LRIG1: variants seen among roughly 807,000 people sequenced by gnomAD.
LRIG1 encodes leucine-rich repeats and immunoglobulin-like domains protein 1.
Under a neutral mutation model 99.2 loss-of-function variants are expected in LRIG1, and 48 were observed. The ratio of observed to expected loss-of-function variants is 0.48; its 90% CI spans 0.38 to 0.62. The LOEUF (loss-of-function observed/expected upper bound fraction) is 0.62. LRIG1 is among the 20% of genes least tolerant of loss of function. The pLI, the probability that LRIG1 is intolerant of heterozygous loss-of-function variation, is 0.00. For missense variants in LRIG1, 1,646 were observed against 1,434.4 expected, an observed-to-expected ratio of 1.15 and a Z score of -2.38; for synonymous variants, 772 against 596.1, an observed-to-expected ratio of 1.29 and a Z score of -4.30.
chr3:66,488,866 G>A (rs970142089), intron 1 of LRIG1, among the ~76,000 whole-genome samples: 1 of 152,202 alleles, frequency 6.6e-6, no homozygotes, highest in South Asian at 2.1e-4. Flanking sequence ...TTCACTTATG[G>A]CAAGTATTCA....
chr3:66,404,337 A>G, intron 9 of LRIG1: 1 of 1,286,702 alleles, frequency 7.8e-7, no homozygotes, highest in Non-Finnish European at 1.0e-6. Context: ...GGCTGGGGGA[A>G]TCGAGCGGCA....
At chr3:66,380,890 A>T (rs369340183) in intron 17 of LRIG1, 29 bp from the exon 18 acceptor site, 29 of 1,607,130 alleles carry the variant, frequency 1.8e-5, no homozygotes, top group Non-Finnish European at 2.4e-5. Context: ...GATGGGTTAG[A>T]GTCACTGCTG....
At chr3:66,462,188 C>G (rs1700369974) in intron 2 of LRIG1, among the ~76,000 whole-genome samples, 2 of 152,180 alleles carry the variant, frequency 1.3e-5, no homozygotes, top group Admixed American at 1.3e-4. Flanking sequence ...AGGGACTCTG[C>G]TATACACCCA....
Position 66,394,161 on chromosome 3 carries a change from C to T in LRIG1, c.1347G>A (p.Lys449=), listed in dbSNP as rs1306819110. 1.9e-6 allele frequency: 3 copies of T among 1,609,110 alleles called. No homozygotes were observed. The highest frequency in any genetic ancestry group is 2.5e-6 in the Non-Finnish European group (3 of 1,177,914). ...SDSFLCDCQL[K]WLPPWLIGRM... ...TGCCAATTAGCCACGGGGGCAGCCA[C>T]TTCAGCTGGCAGTCACACAGGAAGC... is the stretch of plus-strand genomic sequence containing the variant. The change falls in exon 12 of 19, where the codon AAG becomes AAA. Residue 449 remains lysine (K), a synonymous_variant. Transcript: ENST00000273261.
intron 1 of LRIG1, among the ~76,000 whole-genome samples, chr3:66,465,336 A>G (rs1404036095): frequency 1.3e-5 from 2 of 151,874 alleles, no homozygotes; most frequent in African/African-American, 4.8e-5. Context: ...GCCCAATTCA[A>G]GAAGACAAAC....
At chr3:66,487,009 T>G (rs535506306) in intron 1 of LRIG1, among the ~76,000 whole-genome samples, 35 of 152,316 alleles carry the variant, frequency 2.3e-4, no homozygotes, top group Non-Finnish European at 3.1e-4. Context: ...CAACAAAGTT[T>G]GCTTTCAATT....
At chr3:66,385,777 A>C (rs1478303784) in intron 13 of LRIG1, among the ~76,000 whole-genome samples, 6 of 152,232 alleles carry the variant, frequency 3.9e-5, no homozygotes. Context: ...AAAACTCACC[A>C]AAAACAAGTA....
chr3:66,395,509 A>G (rs75331235), intron 11 of LRIG1, among the ~76,000 whole-genome samples: 4,107 of 152,070 alleles, frequency 0.027, 99 homozygotes, highest in Non-Finnish European at 0.043. Context: ...TAAAATAATT[A>G]TAATTTTGGA....
intron 11 of LRIG1, among the ~76,000 whole-genome samples, chr3:66,396,311 C>T (rs750960856): frequency 1.6e-4 from 25 of 152,228 alleles, no homozygotes; most frequent in Admixed American, 3.3e-4. Context: ...GCCCTTCTTC[C>T]ACCCGTGGAG....
intron 14 of LRIG1, 127 bp from the exon 15 acceptor site, chr3:66,383,528 G>A: frequency 4.6e-6 from 4 of 873,422 alleles, no homozygotes; most frequent in Non-Finnish European, 6.8e-6. Context: ...TCTCAGAGTG[G>A]CAAGCTTTGG....
chr3:66,459,715 A>T (rs141481651), intron 2 of LRIG1, among the ~76,000 whole-genome samples: 1 of 152,320 alleles, frequency 6.6e-6, no homozygotes, highest in Non-Finnish European at 1.5e-5. Context: ...GTTTGTCTGC[A>T]GGGCTGGAAT....
intron 1 of LRIG1, among the ~76,000 whole-genome samples, chr3:66,480,000 C>T (rs576974976): frequency 1.3e-5 from 2 of 152,316 alleles, no homozygotes; most frequent in Admixed American, 1.3e-4. Flanking sequence ...ACCACAAAAA[C>T]TTACGCACAA....
At chr3:66,500,096 G>A (rs1701321685) in intron 1 of LRIG1, 94 bp downstream of exon 1, 2 of 991,564 alleles carry the variant, frequency 2.0e-6, no homozygotes, top group Non-Finnish European at 2.9e-6. Flanking sequence ...ACACAACCCA[G>A]TCCGCACCCC....
chr3:66,442,696 G>C (rs1703583447), intron 3 of LRIG1, among the ~76,000 whole-genome samples: 1 of 152,030 alleles, frequency 6.6e-6, no homozygotes, highest in Non-Finnish European at 1.5e-5. Context: ...TGGATCTTGG[G>C]CTATATTTAA....
intron 8 of LRIG1, chr3:66,406,096 CTT>C (rs1702259424): frequency 3.0e-6 from 3 of 985,526 alleles, no homozygotes; most frequent in Non-Finnish European, 3.6e-6. Flanking sequence ...AAAAGGAACT[CTT>C]GTCTCCTGTG....
intron 3 of LRIG1, among the ~76,000 whole-genome samples, chr3:66,418,056 G>A (rs966186483): frequency 6.6e-6 from 1 of 152,012 alleles, no homozygotes; most frequent in African/African-American, 2.4e-5. Flanking sequence ...CCCAAGACAG[G>A]AATGTTCCAC....
At chr3:66,429,281 C>T (rs926847999) in intron 3 of LRIG1, among the ~76,000 whole-genome samples, 38 of 152,260 alleles carry the variant, frequency 2.5e-4, no homozygotes, top group African/African-American at 8.7e-4. Context: ...ATCCCTGAAA[C>T]GAAAAAATCT....
chr3:66,405,505 A>T (rs1575665595), intron 8 of LRIG1, among the ~76,000 whole-genome samples: 1 of 152,172 alleles, frequency 6.6e-6, no homozygotes, highest in Admixed American at 6.5e-5. Flanking sequence ...CCTGGGCTCC[A>T]CCTGCCTCCC....
intron 12 of LRIG1, among the ~76,000 whole-genome samples, chr3:66,392,506 G>A (rs933265873): frequency 1.3e-5 from 2 of 151,846 alleles, no homozygotes; most frequent in African/African-American, 4.8e-5. Context: ...TTATGTTTCC[G>A]TTTTTAAAAA....
Sources: gnomAD v4.1 joint callset for allele counts (sites outside exome capture counted in the v4.1 genomes callset) on GRCh38, gnomAD v4.1.1 for gene constraint, MANE v1.5 for transcripts, NCBI Gene and HGNC (gene_info 2026-07-23, HGNC 2026-07-21) for gene names.